Variants in PPP1R13B observed in about 807,000 individuals in gnomAD.
The protein encoded by PPP1R13B is protein phosphatase 1 regulatory subunit 13B.
A neutral mutation model predicts 119.8 loss-of-function variants in PPP1R13B; 44 were observed. That is an observed-to-expected ratio of 0.37 (90% CI 0.29 to 0.47). The LOEUF (loss-of-function observed/expected upper bound fraction) is 0.47, where lower values mean the gene tolerates loss of function less well. PPP1R13B is among the 20% of genes least tolerant of loss of function. The probability of loss-of-function intolerance (pLI) is 0.99; values close to 1 mark genes in which losing one functional copy is unlikely to be tolerated. For synonymous variants in PPP1R13B, 542 were observed against 561.5 expected (o/e 0.97, Z 0.49); for missense variants, 1,227 against 1,413.5 (o/e 0.87, Z 2.12).
rs1455102488 is a variant in PPP1R13B, at chr14:103,782,378, T to C, written c.277+2417A>G. On this transcript the variant is annotated intron_variant, in intron 3 of 16. Transcript: ENST00000202556. ...CTGTGTAGATGGACCCTAATTTATT[T>C]AGCTCAGCTCTCCTGGTGGGCATTT... is the stretch of plus-strand genomic sequence containing the variant. Among the ~76,000 whole-genome samples, 9 of 151,978 alleles carry C rather than the reference T, an allele frequency of 5.9e-5. No homozygotes were observed. The East Asian group carries it at 1.7e-3, about 29-fold the overall frequency.
At chr14:103,818,968 G>C (rs2086341245) in intron 1 of PPP1R13B, among the ~76,000 whole-genome samples, 2 of 152,176 alleles carry the variant, frequency 1.3e-5, no homozygotes, top group African/African-American at 2.4e-5. Context: ...GTTAGAAAAA[G>C]CCTTACTGCT....
At chr14:103,757,793 A>G (rs777552878) in intron 4 of PPP1R13B, 42 bp from the exon 5 acceptor site, 3 of 1,540,592 alleles carry the variant, frequency 1.9e-6, no homozygotes, top group Non-Finnish European at 2.7e-6. Flanking sequence ...GTTTATCTGC[A>G]TAATTGTCTG....
chr14:103,736,262 G>C (rs2084108022), intron 15 of PPP1R13B, 60 bp from the exon 16 acceptor site: 2 of 1,551,292 alleles, frequency 1.3e-6, no homozygotes, highest in Non-Finnish European at 1.8e-6. Flanking sequence ...AAGGGACCCT[G>C]CTCGAGGAAC....
rs576068080 is a variant in PPP1R13B at position 103,736,146 on chromosome 14, A to G, written c.3088T>C (p.Tyr1030His). The change falls in exon 16 of 17, where the codon TAC becomes CAC. Residue 1030 changes from tyrosine to histidine, a missense_variant. Physicochemically the swap from Tyr to His is moderately conservative, Grantham distance 83. Coordinates refer to ENST00000202556, the MANE Select transcript of PPP1R13B (RefSeq NM_015316.3). Reference sequence around the variant, plus strand: ...AGCTCGTCACTGTTCTGGGCCTCGTAGTCCCACAGAGCATACGCCACACCT... The same window carrying G: ...AGCTCGTCACTGTTCTGGGCCTCGTGGTCCCACAGAGCATACGCCACACCT... The part of the protein sequence containing the change: ...NKGVAYALWD[Y>H]EAQNSDELSF... The G allele has an allele frequency of 1.2e-6, 2 of 1,614,186 alleles. No individual in the cohort carries two copies. Among genetic ancestry groups the G allele is most frequent in the East Asian group, 4.5e-5 (2 of 44,884 alleles).
chr14:103,739,740 A>C, intron 12 of PPP1R13B, 84 bp downstream of exon 12: 2 of 1,439,322 alleles, frequency 1.4e-6, no homozygotes, highest in South Asian at 2.8e-5. Context: ...CTCCCAGCAC[A>C]GCCTGACCAA....
rs1180485597 is a variant in PPP1R13B at position 103,777,543 on chromosome 14, T to A, written c.354+1202A>T. On this transcript the variant is annotated intron_variant, in intron 4 of 16. Coordinates refer to ENST00000202556, the MANE Select transcript of PPP1R13B (RefSeq NM_015316.3). Reference sequence around the variant, plus strand: ...CCGCCACAGAGATGCTGTGTTTACGTGCACAGAGGCACCCACTGCCTGCTC... The same window carrying A: ...CCGCCACAGAGATGCTGTGTTTACGAGCACAGAGGCACCCACTGCCTGCTC... 2.0e-5 allele frequency among the ~76,000 whole-genome samples: 3 copies of A among 152,000 alleles called. No individual in the cohort carries two copies. In the East Asian group the frequency reaches 5.8e-4, roughly 29 times the overall value.
chr14:103,790,688 G>A (rs1445613291), intron 2 of PPP1R13B, among the ~76,000 whole-genome samples: 3 of 152,106 alleles, frequency 2.0e-5, no homozygotes, highest in Non-Finnish European at 2.9e-5. Context: ...TCCAGCCTGC[G>A]TGACAGAATG....
At chr14:103,800,129 A>G (rs1374871212) in intron 1 of PPP1R13B, among the ~76,000 whole-genome samples, 1 of 152,298 alleles carries the variant, frequency 6.6e-6, no homozygotes, top group East Asian at 1.9e-4. Context: ...ATCAGAAGGT[A>G]TTATAAAACA....
At chr14:103,756,620 G>A (rs1323966565) in intron 5 of PPP1R13B, among the ~76,000 whole-genome samples, 1 of 152,172 alleles carries the variant, frequency 6.6e-6, no homozygotes. Context: ...TTAACCACCT[G>A]TCATTGTCTT....
intron 2 of PPP1R13B, among the ~76,000 whole-genome samples, chr14:103,794,061 AAGAG>A (rs1237864702): frequency 6.6e-6 from 1 of 152,108 alleles, no homozygotes; most frequent in African/African-American, 2.4e-5. Flanking sequence ...CTACAAGTCA[AAGAG>A]AGAGAGAGTC....
At position 103,741,930 on chromosome 14, in the gene PPP1R13B, C is replaced by G. The variant is rs187707451; in HGVS notation, c.1682G>C (p.Gly561Ala). 124 of 1,614,190 alleles carry G rather than the reference C, an allele frequency of 7.7e-5. 1 individual carries two copies. The East Asian group carries it at 2.7e-3, about 35-fold the overall frequency. The change falls in exon 11 of 17, where the codon GGG becomes GCG. Residue 561 changes from glycine (G) to alanine (A), a missense_variant. By Grantham distance (60) the Gly-to-Ala change is moderately conservative (BLOSUM62 0). Transcript: ENST00000202556. ...VAIRPFLADK[G>A]SRPQSPRKGP... ...TTTCCTGGGAGACTGTGGCCTTGACCCTTTATCAGCCAGGAAAGGCCTAAT... is the reference window on the plus strand; with the variant it reads ...TTTCCTGGGAGACTGTGGCCTTGACGCTTTATCAGCCAGGAAAGGCCTAAT...
chr14:103,808,917 G>A (rs143995945), intron 1 of PPP1R13B, among the ~76,000 whole-genome samples: 18 of 152,174 alleles, frequency 1.2e-4, no homozygotes, highest in African/African-American at 3.9e-4. Flanking sequence ...TGCCCAGGCT[G>A]AGCGCAGCAG....
chr14:103,733,359 T>C lies in PPP1R13B; in HGVS notation c.*1795A>G, dbSNP rs1257833631. On this transcript the variant is annotated 3_prime_UTR_variant, in exon 17 of 17. Coordinates refer to ENST00000202556, the MANE Select transcript of PPP1R13B (RefSeq NM_015316.3). Reference sequence around the variant, plus strand: ...ACTAGAAGGTTCTGGCCCATCAATATTCATTTCATTTAATTCTTCCACAGA... The same window carrying C: ...ACTAGAAGGTTCTGGCCCATCAATACTCATTTCATTTAATTCTTCCACAGA... 5 of 225,006 alleles carry C rather than the reference T, an allele frequency of 2.2e-5. No homozygotes were observed. In the East Asian group the frequency reaches 5.8e-4, roughly 26 times the overall value. 13.9% of individuals were successfully genotyped at this position (225,006 alleles called of 1,614,324 possible).
intron 6 of PPP1R13B, 21 bp from the exon 7 acceptor site, chr14:103,753,217 A>G: frequency 6.4e-7 from 1 of 1,570,400 alleles, no homozygotes; most frequent in Non-Finnish European, 8.6e-7. Context: ...CCACACAAGA[A>G]AAGAATAAAA....
intron 4 of PPP1R13B, chr14:103,762,878 GAC>G: frequency 9.8e-7 from 1 of 1,018,548 alleles, no homozygotes; most frequent in Admixed American, 2.0e-5. Context: ...AGAAGGACAA[GAC>G]ACAGTGGAAT....
Position 103,739,896 on chromosome 14 carries a change from G to A in PPP1R13B, c.2520C>T (p.Ala840=), listed in dbSNP as rs1425019884. The A allele has an allele frequency of 2.5e-6, 4 of 1,613,884 alleles. No homozygotes were observed. The highest frequency in any genetic ancestry group is 3.4e-6 in the Non-Finnish European group (4 of 1,180,038). Residue 840 remains alanine (A), a synonymous_variant, in exon 12 of 17, where the codon GCC becomes GCT. Transcript: ENST00000202556. ...TEQIPSPVAE[A]PSPGEEQVPP... ...GGACCTGCTCTTCCCCTGGAGATGG[G>A]GCCTCAGCCACAGGACTCGGGATCT...
At chr14:103,749,120 T>C (rs2084474035) in intron 8 of PPP1R13B, among the ~76,000 whole-genome samples, 1 of 152,236 alleles carries the variant, frequency 6.6e-6, no homozygotes, top group African/African-American at 2.4e-5. Context: ...AAGTCCAAAA[T>C]CTTTGATACT....
upstream of PPP1R13B, chr14:103,847,631 A>G (rs897417740): frequency 8.5e-5 from 84 of 984,972 alleles, no homozygotes; most frequent in Non-Finnish European, 5.5e-5. Context: ...CCCCAGCGCG[A>G]CGCCCCGCAC....
rs1313561353 is a variant in PPP1R13B at position 103,734,772 on chromosome 14, G to A, written c.*382C>T. On this transcript the variant is annotated 3_prime_UTR_variant, in exon 17 of 17. Transcript: ENST00000202556. ...GTCGCAGGGGAGCAGGCCTCACAGC[G>A]GCGGACAGTGTTCACTGCTGGAGGG... 1.7e-5 allele frequency: 8 copies of A among 462,582 alleles called. No individual in the cohort carries two copies. The highest frequency in any genetic ancestry group is 3.4e-5 in the Non-Finnish European group (8 of 231,890). 28.7% of individuals were successfully genotyped at this position (462,582 alleles called of 1,614,324 possible). A position where few individuals can be genotyped will look rare whatever the true frequency, so the allele number is the denominator to read the frequency against.
Sources: allele counts gnomAD v4.1 joint callset (sites outside exome capture counted in the v4.1 genomes callset), GRCh38; gene constraint gnomAD v4.1.1; transcripts MANE v1.5; gene names NCBI Gene and HGNC (gene_info 2026-07-23, HGNC 2026-07-21).